The following SH3RF2 variants were observed in gnomAD, a reference collection of about 807,000 sequenced individuals.
SH3RF2 encodes the protein E3 ubiquitin-protein ligase SH3RF2.
Under a neutral mutation model 59.0 loss-of-function variants are expected in SH3RF2, and 43 were observed. That is an observed-to-expected ratio of 0.73 (90% CI 0.57 to 0.94). The LOEUF (loss-of-function observed/expected upper bound fraction) is 0.94, where lower values mean the gene tolerates loss of function less well. Ranked by LOEUF, SH3RF2 falls within the 40% of genes least tolerant of loss-of-function variation. The probability of loss-of-function intolerance (pLI) is 0.00; values close to 1 mark genes in which losing one functional copy is unlikely to be tolerated. For missense variants in SH3RF2, 930 were observed against 940.1 expected (o/e 0.99, Z 0.14); for synonymous variants, 391 against 391.5 (o/e 1.00, Z 0.01).
At chr5:146,030,254 GGT>G (rs2150003575) in intron 5 of SH3RF2, among the ~76,000 whole-genome samples, 1 of 152,214 alleles carries the variant, frequency 6.6e-6, no homozygotes, top group Non-Finnish European at 1.5e-5. Context: ...TCACAAATAT[GGT>G]GTGTCTACCA....
intron 3 of SH3RF2, among the ~76,000 whole-genome samples, chr5:146,002,457 A>T (rs111852686): frequency 6.8e-6 from 1 of 147,680 alleles, no homozygotes; most frequent in African/African-American, 2.5e-5. Flanking sequence ...TCTAAAAATT[A>T]AAAAAGAAAG....
intron 9 of SH3RF2, among the ~76,000 whole-genome samples, chr5:146,077,019 T>A (rs974975148): frequency 1.3e-5 from 2 of 152,116 alleles, no homozygotes; most frequent in Non-Finnish European, 2.9e-5. Context: ...GAAAGAAAAT[T>A]GGACAGGAGA....
chr5:146,065,590 T>C (rs1763083512), downstream of SH3RF2, among the ~76,000 whole-genome samples: 1 of 152,216 alleles, frequency 6.6e-6, no homozygotes, highest in South Asian at 2.1e-4. Flanking sequence ...ATCTATTTAT[T>C]ATCTCTTTGG....
chr5:145,966,794 G>C (rs1258266177), intron 2 of SH3RF2, among the ~76,000 whole-genome samples: 1 of 152,194 alleles, frequency 6.6e-6, no homozygotes, highest in Admixed American at 6.5e-5. Context: ...GGCCAAAGCA[G>C]GTGGATCATT....
chr5:146,057,972 C>CTATATATATATATA (rs1402735122), intron 8 of SH3RF2, among the ~76,000 whole-genome samples: 4 of 81,264 alleles, frequency 4.9e-5, no homozygotes, highest in African/African-American at 1.2e-4. Context: ...CTCTCTCTAT[C>CTATATATATATATA]TATCTATCTA....
intron 2 of SH3RF2, among the ~76,000 whole-genome samples, chr5:145,943,093 T>C (rs1384831283): frequency 6.6e-6 from 1 of 151,760 alleles, no homozygotes; most frequent in Non-Finnish European, 1.5e-5. Flanking sequence ...TATAAAGAGC[T>C]TAGCACAAGT....
intron 2 of SH3RF2, among the ~76,000 whole-genome samples, chr5:145,941,052 C>G (rs1206373426): frequency 6.6e-6 from 1 of 152,154 alleles, no homozygotes; most frequent in Non-Finnish European, 1.5e-5. Context: ...ATAAAGTACT[C>G]CACTCAGAGA....
chr5:146,077,694 T>C (rs796127741), intron 9 of SH3RF2, among the ~76,000 whole-genome samples: 5 of 152,242 alleles, frequency 3.3e-5, no homozygotes, highest in Non-Finnish European at 7.3e-5. Flanking sequence ...TATTTTTTAA[T>C]TGTCCTGTTT....
At chr5:145,959,666 C>CATATATAT (rs112801991) in intron 2 of SH3RF2, among the ~76,000 whole-genome samples, 12 of 142,342 alleles carry the variant, frequency 8.4e-5, no homozygotes, top group African/African-American at 3.1e-4. Flanking sequence ...TGTGTGTATA[C>CATATATAT]ATATATATAT....
At chr5:146,020,904 C>A (rs1401626231) in intron 5 of SH3RF2, among the ~76,000 whole-genome samples, 3 of 152,112 alleles carry the variant, frequency 2.0e-5, no homozygotes, top group Middle Eastern at 6.3e-3. Context: ...AAGCATCTTT[C>A]CTGGGCTCCT....
At chr5:146,052,899 T>C (rs1274535901) in intron 7 of SH3RF2, among the ~76,000 whole-genome samples, 1 of 152,124 alleles carries the variant, frequency 6.6e-6, no homozygotes, top group Non-Finnish European at 1.5e-5. Flanking sequence ...CCCTTTCTGT[T>C]CTTTGATTCT....
At chr5:146,076,872 C>G (rs3797626) in intron 9 of SH3RF2, among the ~76,000 whole-genome samples, 34,325 of 151,968 alleles carry the variant, frequency 0.23, 4,894 homozygotes, top group Admixed American at 0.34. Flanking sequence ...TTCCACAAAC[C>G]GCTTGTAAGA....
chr5:146,020,614 T>C (rs1029458284), intron 5 of SH3RF2, among the ~76,000 whole-genome samples: 3 of 152,224 alleles, frequency 2.0e-5, no homozygotes, highest in Admixed American at 2.0e-4. Context: ...TTTATACTTG[T>C]GTTGTAACAT....
chr5:146,012,930 GA>G (rs1760962877), intron 4 of SH3RF2, among the ~76,000 whole-genome samples: 1 of 151,886 alleles, frequency 6.6e-6, no homozygotes, highest in Non-Finnish European at 1.5e-5. Flanking sequence ...TTGGTGGCTT[GA>G]AAAACTCCAC....
rs144355535 is a variant in SH3RF2 at position 146,056,006 on chromosome 5, C to T, written c.1348C>T (p.Arg450Trp). The change falls in exon 8 of 10, where the codon CGG becomes TGG. Residue 450 changes from arginine to tryptophan, a missense_variant. Arg to Trp is a moderately radical substitution (Grantham distance 101, BLOSUM62 -3). Transcript: ENST00000359120. ...FRKTSSFPDS[R>W]SPGLYTTWTL... ...AAAGACCTCTAGTTTTCCAGACTCC[C>T]GGAGCCCTGGTCTCTACACCACATG... 2.6e-5 allele frequency: 42 copies of T among 1,614,090 alleles called. No homozygotes were observed. The Admixed American group carries it at 2.7e-4, about 10-fold the overall frequency.
rs142479204 is a variant in SH3RF2 at position 146,019,374 on chromosome 5, C to T, written c.1059+5313C>T. On this transcript the variant is annotated intron_variant, in intron 5 of 9. Transcript: ENST00000359120. ...CCATTTATTAAATAGGATGTCCTTT[C>T]CTCAGTTTAGGTTTTTGGGTGCTTT... Among the ~76,000 whole-genome samples, 445 of 152,156 alleles carry T rather than the reference C, an allele frequency of 2.9e-3. 3 individuals carry two copies. Among genetic ancestry groups the T allele is most frequent in the African/African-American group, 0.01 (419 of 41,524 alleles).
rs759647712 is a variant in SH3RF2, at chr5:146,049,249, T to G, written c.1322+4T>G. ...ATTACGTCATCCCCATTTTCAGGTG[T>G]GTCGCCTCCAATCCCAGACTTTGGG... On this transcript the variant is annotated splice_donor_region_variant and intron_variant, in intron 7 of 9. Transcript: ENST00000359120. The G allele has an allele frequency of 4.4e-6, 7 of 1,599,694 alleles. No homozygotes were observed. Among genetic ancestry groups the G allele is most frequent in the Non-Finnish European group, 6.0e-6 (7 of 1,171,980 alleles).
At chr5:146,020,696 T>C (rs1395895609) in intron 5 of SH3RF2, among the ~76,000 whole-genome samples, 3 of 152,182 alleles carry the variant, frequency 2.0e-5, no homozygotes, top group Non-Finnish European at 4.4e-5. Context: ...ATGCGTAAGA[T>C]TGAAAAACTT....
At chr5:145,984,043 T>A (rs1759606809) in intron 2 of SH3RF2, among the ~76,000 whole-genome samples, 1 of 152,116 alleles carries the variant, frequency 6.6e-6, no homozygotes, top group Admixed American at 6.6e-5. Flanking sequence ...ATAGTGTGAT[T>A]TAATATTCAT....
Sources: gnomAD v4.1 joint callset for allele counts (sites outside exome capture counted in the v4.1 genomes callset) on GRCh38, gnomAD v4.1.1 for gene constraint, MANE v1.5 for transcripts, NCBI Gene and HGNC (gene_info 2026-07-23, HGNC 2026-07-21) for gene names.